The following GIGYF2 variants were observed in gnomAD, a reference collection of about 807,000 sequenced individuals.
The protein encoded by GIGYF2 is GRB10 interacting GYF protein 2, also known as GRB10-interacting GYF protein 2.
Under a neutral mutation model 208.1 loss-of-function variants are expected in GIGYF2, and 25 were observed. The ratio of observed to expected loss-of-function variants is 0.12; its 90% CI spans 0.09 to 0.17. GIGYF2 has a LOEUF of 0.17. GIGYF2 is among the 10% of genes least tolerant of loss of function. The pLI is 1.00. For missense variants in GIGYF2, 1,302 were observed against 1,579.4 expected, an observed-to-expected ratio of 0.82 and a Z score of 2.98; for synonymous variants, 534 against 543.8, an observed-to-expected ratio of 0.98 and a Z score of 0.25.
chr2:232,836,305 T>A (rs375174062), intron 22 of GIGYF2, among the ~76,000 whole-genome samples: 907 of 18,228 alleles, frequency 0.05, 80 homozygotes, highest in East Asian at 0.23. Flanking sequence ...TATATATATA[T>A]ATATATATAT....
chr2:232,753,478 C>T (rs951615029), intron 5 of GIGYF2, among the ~76,000 whole-genome samples: 3 of 152,036 alleles, frequency 2.0e-5, no homozygotes, highest in East Asian at 1.9e-4. Context: ...AGGCTAGTCT[C>T]GAACTCCTGG....
rs550871687 is a variant in GIGYF2, at chr2:232,770,672, G to A, written c.532+9236G>A. On this transcript the variant is annotated intron_variant, in intron 8 of 28. Coordinates refer to ENST00000373563, the MANE Select transcript of GIGYF2 (RefSeq NM_001103146.3). ...ATCATACTGATCTCTTTTTTCTTAAGTAGTTACAGTAAGTAAAATTTTGGC... is the reference window on the plus strand; with the variant it reads ...ATCATACTGATCTCTTTTTTCTTAAATAGTTACAGTAAGTAAAATTTTGGC... Among the ~76,000 whole-genome samples, 9 of 151,398 alleles carry A rather than the reference G, an allele frequency of 5.9e-5. No individual in the cohort carries two copies. In the East Asian group the frequency reaches 1.7e-3, roughly 29 times the overall value.
chr2:232,786,413 T>G (rs1699909458), intron 8 of GIGYF2, among the ~76,000 whole-genome samples: 3 of 152,188 alleles, frequency 2.0e-5, no homozygotes, highest in Non-Finnish European at 2.9e-5. Context: ...AATTTTTGTA[T>G]TTTGAGTAGA....
At chr2:232,768,081 A>G (rs904905317) in intron 8 of GIGYF2, 2 of 1,049,606 alleles carry the variant, frequency 1.9e-6, no homozygotes, top group Non-Finnish European at 2.9e-6. Context: ...GATTACCGTG[A>G]TGTAGAGAGC....
At chr2:232,777,788 A>G (rs1470598775) in intron 8 of GIGYF2, among the ~76,000 whole-genome samples, 2 of 152,134 alleles carry the variant, frequency 1.3e-5, no homozygotes, top group Non-Finnish European at 2.9e-5. Context: ...ATGTACTGGT[A>G]GGAATTATAA....
chr2:232,771,289 C>T (rs1174827664), intron 8 of GIGYF2: 1 of 1,609,490 alleles, frequency 6.2e-7, no homozygotes, highest in Admixed American at 1.7e-5. Context: ...TGTGCTGTGG[C>T]CATCCTTGGT....
Position 232,833,022 on chromosome 2 carries a change from A to C in GIGYF2, c.2695A>C (p.Arg899=). Residue 899 remains arginine, a synonymous_variant, in exon 22 of 29, where the codon AGG becomes CGG. Transcript: ENST00000373563. ...VQRQKELMRQ[R]QQQQEALRRL... is the part of the protein sequence containing the mutation. ...GCGGCAGAAGGAGTTAATGCGCCAGAGGCAGCAGCAGCAAGAGGCTCTCCG... is the reference window on the plus strand; with the variant it reads ...GCGGCAGAAGGAGTTAATGCGCCAGCGGCAGCAGCAGCAAGAGGCTCTCCG... The C allele has an allele frequency of 6.4e-7, 1 of 1,565,956 alleles. No individual in the cohort carries two copies. The highest frequency in any genetic ancestry group is 2.4e-5 in the East Asian group (1 of 42,334).
chr2:232,811,644 C>G (rs975048977), intron 17 of GIGYF2, among the ~76,000 whole-genome samples: 1 of 152,050 alleles, frequency 6.6e-6, no homozygotes, highest in African/African-American at 2.4e-5. Context: ...AAACTGTAGC[C>G]TAGGATTTTA....
At chr2:232,761,123 A>G (rs934464739) in intron 7 of GIGYF2, among the ~76,000 whole-genome samples, 2 of 152,172 alleles carry the variant, frequency 1.3e-5, no homozygotes, top group Non-Finnish European at 2.9e-5. Context: ...AACACATTCT[A>G]AGAGCAGTAT....
intron 2 of GIGYF2, among the ~76,000 whole-genome samples, chr2:232,711,124 C>T (rs1351111203): frequency 6.7e-6 from 1 of 149,210 alleles, no homozygotes; most frequent in African/African-American, 2.5e-5. Flanking sequence ...TTTTTAAAGA[C>T]AGTGTCTTGG....
At chr2:232,784,145 G>T (rs536358931) in intron 8 of GIGYF2, among the ~76,000 whole-genome samples, 1 of 152,224 alleles carries the variant, frequency 6.6e-6, no homozygotes, top group East Asian at 1.9e-4. Flanking sequence ...TAAAAAGCCT[G>T]TTTAGGGCAA....
At chr2:232,830,172 G>A (rs1032476769) in intron 21 of GIGYF2, among the ~76,000 whole-genome samples, 2 of 152,038 alleles carry the variant, frequency 1.3e-5, no homozygotes. Context: ...TTTGGAGACA[G>A]GAGTCTCACT....
intron 8 of GIGYF2, among the ~76,000 whole-genome samples, chr2:232,778,615 T>C (rs960474165): frequency 2.0e-5 from 3 of 152,096 alleles, no homozygotes; most frequent in Non-Finnish European, 2.9e-5. Flanking sequence ...ATTGAGTCTA[T>C]AATATAAAGC....
At chr2:232,796,028 T>C in intron 13 of GIGYF2, 34 bp from the exon 14 acceptor site, 9 of 1,550,550 alleles carry the variant, frequency 5.8e-6, no homozygotes, top group Non-Finnish European at 8.0e-6. Context: ...TTTAGGATCA[T>C]TTGTTTCCTT....
At chr2:232,840,684 A>G (rs1008436767) in intron 23 of GIGYF2, among the ~76,000 whole-genome samples, 10 of 152,202 alleles carry the variant, frequency 6.6e-5, no homozygotes, top group African/African-American at 2.2e-4. Context: ...AATGAAGCGT[A>G]TGAGAGGTTG....
At chr2:232,822,029 A>T (rs1486421709) in intron 21 of GIGYF2, among the ~76,000 whole-genome samples, 2 of 151,024 alleles carry the variant, frequency 1.3e-5, no homozygotes, top group Non-Finnish European at 2.9e-5. Context: ...TTTGATTACT[A>T]CTGTACCTTT....
intron 22 of GIGYF2, among the ~76,000 whole-genome samples, chr2:232,838,523 A>G (rs983089995): frequency 2.6e-5 from 4 of 152,156 alleles, no homozygotes; most frequent in African/African-American, 7.2e-5. Context: ...TGACACATCT[A>G]CTGTGATTTT....
At chr2:232,721,287 T>C (rs987869590) in intron 2 of GIGYF2, among the ~76,000 whole-genome samples, 1 of 152,350 alleles carries the variant, frequency 6.6e-6, no homozygotes, top group Non-Finnish European at 1.5e-5. Flanking sequence ...CACTCAGAGT[T>C]TCTTCTTCCC....
chr2:232,829,963 G>A (rs921054), intron 21 of GIGYF2, among the ~76,000 whole-genome samples: 94,167 of 151,930 alleles, frequency 0.62, 29,508 homozygotes, highest in East Asian at 0.67. Flanking sequence ...TCATTCATTC[G>A]TTTGTTTGTT....
Sources: gnomAD v4.1 joint callset for allele counts (sites outside exome capture counted in the v4.1 genomes callset) on GRCh38, gnomAD v4.1.1 for gene constraint, MANE v1.5 for transcripts, NCBI Gene and HGNC (gene_info 2026-07-23, HGNC 2026-07-21) for gene names.